PDE9A: variants seen among roughly 807,000 people sequenced by gnomAD.
PDE9A encodes phosphodiesterase 9A, also known as high affinity cGMP-specific 3',5'-cyclic phosphodiesterase 9A.
A neutral mutation model predicts 87.4 loss-of-function variants in PDE9A; 60 were observed. The observed-to-expected ratio is 0.69, with a 90% CI of 0.56 to 0.85. The LOEUF (loss-of-function observed/expected upper bound fraction) is 0.85. PDE9A is among the 40% of genes least tolerant of loss of function. PDE9A has a pLI of 0.00. For synonymous variants in PDE9A, 272 were observed against 279.4 expected, an observed-to-expected ratio of 0.97 and a Z score of 0.27; for missense variants, 665 against 779.0, an observed-to-expected ratio of 0.85 and a Z score of 1.74.
intron 8 of PDE9A, among the ~76,000 whole-genome samples, chr21:42,746,658 G>T (rs947547945): frequency 6.6e-6 from 1 of 152,204 alleles, no homozygotes; most frequent in South Asian, 2.1e-4. Flanking sequence ...ACAACTTTTG[G>T]GGGGAGATGT....
intron 4 of PDE9A, among the ~76,000 whole-genome samples, chr21:42,721,966 G>A (rs1208419221): frequency 1.4e-5 from 2 of 139,420 alleles, no homozygotes; most frequent in East Asian, 4.6e-4. Flanking sequence ...AAGGATAGCA[G>A]AGGTATTTTT....
chr21:42,747,883 A>G (rs2054032161), intron 8 of PDE9A, among the ~76,000 whole-genome samples: 1 of 152,262 alleles, frequency 6.6e-6, no homozygotes, highest in Admixed American at 6.5e-5. Context: ...ACCCCAGGAA[A>G]TGAAAGCAAA....
At position 42,687,960 on chromosome 21, in the gene PDE9A, T is replaced by TCCATCGACCCCACCATGCCCG; in HGVS notation, c.186_206dup (p.Ile63_Ala69dup). ...GCTGACCACCGACGACGCCATGGTCTCCATCGACCCCACCATGCCCGCGAA... is the reference window on the plus strand; with the variant it reads ...GCTGACCACCGACGACGCCATGGTCTCCATCGACCCCACCATGCCCGCCATCGACCCCACCATGCCCGCGAA... On this transcript the variant is annotated inframe_insertion, in exon 3 of 20. Transcript: ENST00000291539. 1 of 1,613,214 alleles carries TCCATCGACCCCACCATGCCCG rather than the reference T, an allele frequency of 6.2e-7. No individual in the cohort carries two copies.
At position 42,740,700 on chromosome 21, in the gene PDE9A, GGTAGTAGA is replaced by G. The variant is rs1183425555; in HGVS notation, c.569-3075_569-3068del. Among the ~76,000 whole-genome samples, 135 of 128,482 alleles carry G rather than the reference GGTAGTAGA, an allele frequency of 1.1e-3. 1 individual carries two copies. The highest frequency in any genetic ancestry group is 1.2e-3 in the Non-Finnish European group (71 of 59,956). The allele number at this position is 128,482 out of a possible 152,430, so 84.3% of individuals were successfully genotyped here. On this transcript the variant is annotated intron_variant, in intron 7 of 19. Coordinates refer to ENST00000291539, the MANE Select transcript of PDE9A (RefSeq NM_002606.3). ...TGGATAGATACACAGTAGGTAGGTA[GGTAGTAGA>G]TAGATAGATAGATAGATAGATAGAT...
intron 9 of PDE9A, among the ~76,000 whole-genome samples, chr21:42,752,981 AC>A (rs913802377): frequency 1.3e-4 from 19 of 151,366 alleles, no homozygotes; most frequent in African/African-American, 3.1e-4. Flanking sequence ...AGTGAATTTT[AC>A]CCCCACACTT....
At chr21:42,743,961 G>T (rs1316744230) in intron 8 of PDE9A, 101 bp downstream of exon 8, 4 of 730,322 alleles carry the variant, frequency 5.5e-6, no homozygotes, top group Non-Finnish European at 9.8e-6. Context: ...AGAAAGGCTG[G>T]TGCAGTTCGG....
intron 9 of PDE9A, among the ~76,000 whole-genome samples, chr21:42,752,709 CAAAAAACAG>C (rs1477421378): frequency 2.0e-5 from 3 of 152,158 alleles, no homozygotes; most frequent in Non-Finnish European, 4.4e-5. Context: ...TGTCCCCTTA[CAAAAAACAG>C]AAAAACAAAT....
chr21:42,698,813 A>G, intron 3 of PDE9A, 155 bp from the exon 4 acceptor site: 1 of 499,112 alleles, frequency 2.0e-6, no homozygotes, highest in Admixed American at 3.7e-5. Flanking sequence ...AAGGAAGCTG[A>G]GAACAGTCAA....
chr21:42,669,740 C>T (rs137938521), intron 1 of PDE9A, among the ~76,000 whole-genome samples: 1 of 152,256 alleles, frequency 6.6e-6, no homozygotes, highest in African/African-American at 2.4e-5. Flanking sequence ...GTTAAGTCAC[C>T]GCATCCCGGA....
At chr21:42,758,942 G>A in intron 10 of PDE9A, 57 bp from the exon 11 acceptor site, 6 of 1,358,656 alleles carry the variant, frequency 4.4e-6, no homozygotes, top group Non-Finnish European at 6.3e-6. Context: ...AGGAAGCCAG[G>A]GGCTGGGGAG....
At chr21:42,761,464 C>T (rs1247994880) in intron 13 of PDE9A, among the ~76,000 whole-genome samples, 2 of 152,246 alleles carry the variant, frequency 1.3e-5, no homozygotes, top group Non-Finnish European at 2.9e-5. Flanking sequence ...CACAGAGTTC[C>T]GCCCCATGTG....
chr21:42,752,854 C>A (rs1025913389), intron 9 of PDE9A, among the ~76,000 whole-genome samples: 1 of 152,226 alleles, frequency 6.6e-6, no homozygotes, highest in Admixed American at 6.5e-5. Context: ...AGAAGCAACC[C>A]AGGGGCACCG....
intron 18 of PDE9A, among the ~76,000 whole-genome samples, chr21:42,772,102 T>C (rs966305652): frequency 2.7e-5 from 4 of 150,854 alleles, no homozygotes; most frequent in African/African-American, 9.9e-5. Flanking sequence ...CCTTCCCCCC[T>C]GTCAGCCCCC....
At chr21:42,685,761 C>A (rs2146167676) in intron 1 of PDE9A, among the ~76,000 whole-genome samples, 1 of 152,282 alleles carries the variant, frequency 6.6e-6, no homozygotes, top group African/African-American at 2.4e-5. Context: ...AGCCACCGCG[C>A]CCGGCCTTTT....
chr21:42,678,117 G>A (rs979553530), intron 1 of PDE9A, among the ~76,000 whole-genome samples: 3 of 152,210 alleles, frequency 2.0e-5, no homozygotes, highest in Admixed American at 2.0e-4. Context: ...AATAGAAATA[G>A]AAAAATGAAC....
chr21:42,768,966 C>A, intron 16 of PDE9A, 61 bp from the exon 17 acceptor site: 1 of 1,537,954 alleles, frequency 6.5e-7, no homozygotes. Context: ...TCTCTGAGAA[C>A]AGCGATCTGG....
intron 15 of PDE9A, 111 bp from the exon 16 acceptor site, chr21:42,768,077 C>T (rs1272845840): frequency 2.8e-6 from 2 of 707,464 alleles, no homozygotes; most frequent in East Asian, 5.1e-5. Flanking sequence ...TTGCATGGTC[C>T]AGCAGGTCCT....
chr21:42,761,932 TG>T, intron 13 of PDE9A, 150 bp from the exon 14 acceptor site: 1 of 704,990 alleles, frequency 1.4e-6, no homozygotes. Context: ...AGGGACCTCC[TG>T]GCCAGGCCAG....
At chr21:42,668,220 C>G (rs1013368267) in intron 1 of PDE9A, among the ~76,000 whole-genome samples, 1 of 152,100 alleles carries the variant, frequency 6.6e-6, no homozygotes, top group Admixed American at 6.5e-5. Flanking sequence ...CTGGGTCCCC[C>G]GAGCACCTCC....
Sources: gnomAD v4.1 joint callset for allele counts (sites outside exome capture counted in the v4.1 genomes callset) on GRCh38, gnomAD v4.1.1 for gene constraint, MANE v1.5 for transcripts, NCBI Gene and HGNC (gene_info 2026-07-23, HGNC 2026-07-21) for gene names.